The following LRP2 variants were observed in gnomAD, a reference collection of about 807,000 sequenced individuals.
LRP2 encodes low-density lipoprotein receptor-related protein 2.
LRP2 carries 172 observed loss-of-function variants against 531.0 expected under a neutral mutation model. The observed-to-expected ratio is 0.32, with a 90% CI of 0.29 to 0.37. The LOEUF (loss-of-function observed/expected upper bound fraction) is 0.37. Ranked by LOEUF, LRP2 falls within the 10% of genes least tolerant of loss-of-function variation. The pLI is 1.00. For synonymous variants in LRP2, 1,992 were observed against 2,027.6 expected, an observed-to-expected ratio of 0.98 and a Z score of 0.47; for missense variants, 5,167 against 5,868.3, an observed-to-expected ratio of 0.88 and a Z score of 3.90.
In LRP2 at chr2:169,224,190, T is replaced by G. The variant is rs144768037; in HGVS notation, c.5538+1120A>C. ...TCATCTTCAGTATCTTTCTGAATGC[T>G]CCAGAGAAAAACCGTCTTGCCAGCT... On this transcript the variant is annotated intron_variant, in intron 33 of 78. Coordinates refer to ENST00000649046, the MANE Select transcript of LRP2 (RefSeq NM_004525.3). Among the ~76,000 whole-genome samples the G allele has an allele frequency of 3.6e-4, 55 of 152,336 alleles. No individual in the cohort carries two copies. In the South Asian group the frequency reaches 6.8e-3, roughly 19 times the overall value.
At chr2:169,296,651 T>TGAAC (rs1684141271) in intron 4 of LRP2, among the ~76,000 whole-genome samples, 1 of 152,076 alleles carries the variant, frequency 6.6e-6, no homozygotes, top group African/African-American at 2.4e-5. Flanking sequence ...AATCTGGGCT[T>TGAAC]GAACGGTGGC....
chr2:169,186,863 T>G (rs1179174083), intron 49 of LRP2, among the ~76,000 whole-genome samples: 1 of 152,208 alleles, frequency 6.6e-6, no homozygotes, highest in African/African-American at 2.4e-5. Flanking sequence ...ATAGTTGAGG[T>G]AAGGCAAAAT....
chr2:169,338,453 GA>G (rs996846393), intron 1 of LRP2, among the ~76,000 whole-genome samples: 8 of 151,598 alleles, frequency 5.3e-5, no homozygotes, highest in African/African-American at 1.9e-4. Context: ...GGGAGGAAAG[GA>G]AGGAAGGAAG....
intron 1 of LRP2, among the ~76,000 whole-genome samples, chr2:169,357,720 T>C (rs2105586596): frequency 6.6e-6 from 1 of 152,314 alleles, no homozygotes; most frequent in South Asian, 2.1e-4. Context: ...TGCTTCTGAT[T>C]ACACAGGAAA....
rs765883958 is a variant in LRP2 at position 169,289,139 on chromosome 2, G to A, written c.929C>T (p.Thr310Ile). The A allele has an allele frequency of 8.4e-5, 135 of 1,613,986 alleles. No individual in the cohort carries two copies. Among genetic ancestry groups the A allele is most frequent in the Non-Finnish European group, 1.1e-4 (131 of 1,179,986 alleles). ...CTGGCAGTTCAAGGCAGAGCACAGAGTCATACCTAAACGAAGAAAAGAACT... is the reference window on the plus strand; with the variant it reads ...CTGGCAGTTCAAGGCAGAGCACAGAATCATACCTAAACGAAGAAAAGAACT... ...NTSTGKYCSMTLCSALNCQYQ... is the reference protein window; with the variant it reads ...NTSTGKYCSMILCSALNCQYQ... Residue 310 changes from threonine to isoleucine, a missense_variant, in exon 9 of 79, where the codon ACT becomes ATT. Physicochemically the swap from Thr to Ile is moderately conservative, Grantham distance 89 (BLOSUM62 -1). Coordinates refer to ENST00000649046, the MANE Select transcript of LRP2 (RefSeq NM_004525.3).
In LRP2 at chr2:169,128,819, C is replaced by T. The variant is rs932886306; in HGVS notation, c.13812G>A (p.Glu4604=). 2 of 1,613,958 alleles carry T rather than the reference C, an allele frequency of 1.2e-6. No homozygotes were observed. The highest frequency in any genetic ancestry group is 2.2e-5 in the East Asian group (1 of 44,892). Residue 4604 remains glutamate, a synonymous_variant, in exon 79 of 79, where the codon GAG becomes GAA. Transcript: ENST00000649046. The stretch of plus-strand genomic sequence containing the variant: ...GTGTCGCAGCAACACTTTCCTTTTG[C>T]TCGTTCTCCATCTAAGAATACAATG... ...ENPIYAQMEN[E]QKESVAATPP...
intron 1 of LRP2, among the ~76,000 whole-genome samples, chr2:169,335,973 C>A (rs1685391890): frequency 6.6e-6 from 1 of 150,940 alleles, no homozygotes; most frequent in South Asian, 2.1e-4. Context: ...CAAGATAGTG[C>A]CATTGCACTC....
intron 1 of LRP2, among the ~76,000 whole-genome samples, chr2:169,360,340 A>T (rs1686115770): frequency 6.6e-6 from 1 of 152,164 alleles, no homozygotes; most frequent in African/African-American, 2.4e-5. Flanking sequence ...TATTATGAAG[A>T]TTAATTGAGT....
At chr2:169,236,128 T>A (rs1689597558) in intron 28 of LRP2, 60 bp from the exon 29 acceptor site, 23 of 1,174,520 alleles carry the variant, frequency 2.0e-5, no homozygotes, top group Non-Finnish European at 2.9e-5. Context: ...AAAATAACTG[T>A]CATTTTAAAT....
intron 14 of LRP2, 38 bp from the exon 15 acceptor site, chr2:169,273,105 A>G (rs1683462625): frequency 6.2e-7 from 1 of 1,612,392 alleles, no homozygotes; most frequent in Non-Finnish European, 8.5e-7. Flanking sequence ...TTGCAATTAG[A>G]AATGTGTAAT....
rs757279955 is a variant in LRP2 at position 169,173,108 on chromosome 2, C to T, written c.11131G>A (p.Glu3711Lys). ...GVDDCRDNSD[E>K]QGCEERTCHP... is the part of the protein sequence containing the mutation. ...TGGCCCCTCCTACCACAGCCTTGCT[C>T]ATCACTGTTGTCCCTGCAGTCATCT... is the stretch of plus-strand genomic sequence containing the variant. Residue 3711 changes from glutamate to lysine, a missense_variant, in exon 57 of 79, where the codon GAG (glutamate) becomes AAG (lysine). Physicochemically the swap from Glu to Lys is moderately conservative, Grantham distance 56. Transcript: ENST00000649046. 3.1e-6 allele frequency: 5 copies of T among 1,614,056 alleles called. No homozygotes were observed. The highest frequency in any genetic ancestry group is 4.2e-6 in the Non-Finnish European group (5 of 1,180,012).
chr2:169,274,596 A>G (rs1029799320), intron 14 of LRP2, among the ~76,000 whole-genome samples: 1 of 152,136 alleles, frequency 6.6e-6, no homozygotes, highest in Non-Finnish European at 1.5e-5. Context: ...GCAACAGAGA[A>G]GAAGAAAAAA....
At chr2:169,326,132 GCCTCTCCCTCTC>G (rs775827513) in intron 1 of LRP2, among the ~76,000 whole-genome samples, 5 of 79,848 alleles carry the variant, frequency 6.3e-5, no homozygotes, top group African/African-American at 2.2e-4. Flanking sequence ...TTTTTGCTCT[GCCTCTCCCTCTC>G]CCTCTCCCTC....
chr2:169,304,015 T>C (rs1251852704), intron 4 of LRP2, among the ~76,000 whole-genome samples: 1 of 152,226 alleles, frequency 6.6e-6, no homozygotes, highest in Non-Finnish European at 1.5e-5. Context: ...TACTTACATA[T>C]TCGTATCCTG....
chr2:169,180,585 C>T (rs569235808), intron 52 of LRP2, among the ~76,000 whole-genome samples: 28 of 152,228 alleles, frequency 1.8e-4, no homozygotes, highest in African/African-American at 6.7e-4. Context: ...TGGCATGTCC[C>T]CAGGGAGCAT....
intron 52 of LRP2, among the ~76,000 whole-genome samples, chr2:169,180,982 G>A (rs991540563): frequency 2.0e-5 from 3 of 152,132 alleles, no homozygotes; most frequent in African/African-American, 7.2e-5. Context: ...AGACTCTACT[G>A]CCACCTAAAA....
chr2:169,159,213 A>G (rs183035801), intron 63 of LRP2, among the ~76,000 whole-genome samples: 103 of 152,306 alleles, frequency 6.8e-4, no homozygotes, highest in Non-Finnish European at 1.2e-3. Context: ...TCCTGGTCAT[A>G]GGCTTCTGAG....
intron 66 of LRP2, among the ~76,000 whole-genome samples, chr2:169,153,328 T>C (rs757633558): frequency 4.6e-5 from 7 of 152,184 alleles, no homozygotes; most frequent in Non-Finnish European, 1.0e-4. Flanking sequence ...TTTGAAAGCA[T>C]ACTCAAGATC....
At chr2:169,215,871 A>T (rs1688770553) in intron 35 of LRP2, among the ~76,000 whole-genome samples, 2 of 150,620 alleles carry the variant, frequency 1.3e-5, no homozygotes, top group Non-Finnish European at 3.0e-5. Context: ...ATATAGGTAT[A>T]TGTATATTCT....
Sources: gnomAD v4.1 joint callset for allele counts (sites outside exome capture counted in the v4.1 genomes callset) on GRCh38, gnomAD v4.1.1 for gene constraint, MANE v1.5 for transcripts, NCBI Gene and HGNC (gene_info 2026-07-23, HGNC 2026-07-21) for gene names.